Variants in DLG2 observed in about 807,000 individuals in gnomAD.
DLG2 encodes the protein disks large homolog 2.
A neutral mutation model predicts 132.5 loss-of-function variants in DLG2; 45 were observed. That is an observed-to-expected ratio of 0.34 (90% CI 0.27 to 0.44). The LOEUF is 0.44. Ranked by LOEUF, DLG2 falls within the 20% of genes least tolerant of loss-of-function variation. DLG2 has a pLI of 1.00. For missense variants in DLG2, 1,045 were observed against 1,196.9 expected (o/e 0.87, Z 1.87); for synonymous variants, 424 against 419.6 (o/e 1.01, Z -0.13).
chr11:84,406,247 G>T (rs1182065799), intron 7 of DLG2, among the ~76,000 whole-genome samples: 3 of 152,000 alleles, frequency 2.0e-5, no homozygotes, highest in Admixed American at 6.6e-5. Flanking sequence ...TTCTCTGTCT[G>T]CCCTTGCCCT....
At chr11:84,775,524 T>G (rs11234170) in intron 6 of DLG2, among the ~76,000 whole-genome samples, 1 of 151,904 alleles carries the variant, frequency 6.6e-6, no homozygotes, top group South Asian at 2.1e-4. Flanking sequence ...AACTTAAGTG[T>G]CCATCAATGC....
At chr11:84,623,230 C>T (rs999427116) in intron 6 of DLG2, among the ~76,000 whole-genome samples, 10 of 152,124 alleles carry the variant, frequency 6.6e-5, no homozygotes, top group African/African-American at 2.4e-4. Context: ...ATGCCATTCC[C>T]TCCACCATGT....
intron 7 of DLG2, among the ~76,000 whole-genome samples, chr11:84,377,988 T>A (rs2098735809): frequency 6.6e-6 from 1 of 152,164 alleles, no homozygotes; most frequent in Non-Finnish European, 1.5e-5. Context: ...TACAGAGAGC[T>A]GAAAGCCCAA....
intron 6 of DLG2, among the ~76,000 whole-genome samples, chr11:84,613,886 G>A (rs2099599654): frequency 6.6e-6 from 1 of 152,048 alleles, no homozygotes; most frequent in South Asian, 2.1e-4. Flanking sequence ...GACATCATAT[G>A]GTCACCAAGT....
chr11:85,409,112 T>C (rs536123172), intron 3 of DLG2, among the ~76,000 whole-genome samples: 1 of 152,098 alleles, frequency 6.6e-6, no homozygotes, highest in Non-Finnish European at 1.5e-5. Context: ...ACAGCTTGTG[T>C]AGATGTCATG....
intron 11 of DLG2, among the ~76,000 whole-genome samples, chr11:84,048,365 T>C (rs1594031856): frequency 6.6e-6 from 1 of 151,710 alleles, no homozygotes; most frequent in Non-Finnish European, 1.5e-5. Context: ...ATTGTGGTAA[T>C]TCAAAAGGAT....
intron 7 of DLG2, among the ~76,000 whole-genome samples, chr11:84,410,962 T>G (rs913956146): frequency 3.3e-5 from 5 of 152,218 alleles, no homozygotes; most frequent in African/African-American, 1.2e-4. Flanking sequence ...ATGTAGAATA[T>G]CATTTTCCTG....
intron 11 of DLG2, among the ~76,000 whole-genome samples, chr11:84,051,153 G>A (rs986335691): frequency 6.6e-6 from 1 of 151,900 alleles, no homozygotes; most frequent in African/African-American, 2.4e-5. Context: ...TGGAGAAATA[G>A]GAACACTTTT....
intron 17 of DLG2, among the ~76,000 whole-genome samples, chr11:83,797,843 A>C (rs969536957): frequency 8.5e-5 from 13 of 152,312 alleles, no homozygotes; most frequent in African/African-American, 3.1e-4. Flanking sequence ...ACCATGACAT[A>C]GCCTCTCAAG....
intron 6 of DLG2, among the ~76,000 whole-genome samples, chr11:84,719,745 T>C (rs1407182140): frequency 6.6e-6 from 1 of 152,184 alleles, no homozygotes; most frequent in East Asian, 1.9e-4. Context: ...ATTTGTTTGT[T>C]GATTTCAAGT....
At chr11:84,050,134 A>C (rs1409714842) in intron 11 of DLG2, among the ~76,000 whole-genome samples, 1 of 145,906 alleles carries the variant, frequency 6.9e-6, no homozygotes, top group African/African-American at 2.5e-5. Flanking sequence ...ACTTACTGGC[A>C]ATGAAAAACT....
At chr11:84,992,838 G>T (rs1312102049) in intron 6 of DLG2, among the ~76,000 whole-genome samples, 1 of 151,982 alleles carries the variant, frequency 6.6e-6, no homozygotes, top group African/African-American at 2.4e-5. Flanking sequence ...CATTCTGTAG[G>T]TTGTCTGTCA....
chr11:84,155,880 C>T (rs1365789216), intron 9 of DLG2, among the ~76,000 whole-genome samples: 1 of 151,910 alleles, frequency 6.6e-6, no homozygotes, highest in African/African-American at 2.4e-5. Context: ...ATCCTAAAGA[C>T]AATAAAGAGC....
At chr11:85,390,962 G>A (rs1423181356) in intron 3 of DLG2, among the ~76,000 whole-genome samples, 1 of 151,618 alleles carries the variant, frequency 6.6e-6, no homozygotes, top group Admixed American at 6.6e-5. Flanking sequence ...AAATGAAATT[G>A]AAACAAAAAA....
At chr11:84,030,684 A>G (rs1268642992) in intron 11 of DLG2, among the ~76,000 whole-genome samples, 4 of 152,186 alleles carry the variant, frequency 2.6e-5, no homozygotes, top group Non-Finnish European at 5.9e-5. Flanking sequence ...TGCGAGGATC[A>G]TAAATCCAGA....
chr11:84,919,330 T>C (rs1406674312), intron 6 of DLG2, among the ~76,000 whole-genome samples: 2 of 152,172 alleles, frequency 1.3e-5, no homozygotes, highest in Non-Finnish European at 2.9e-5. Context: ...AGCTATGCAA[T>C]AAATGGGGAA....
intron 6 of DLG2, among the ~76,000 whole-genome samples, chr11:84,840,982 G>A (rs1192855398): frequency 7.0e-6 from 1 of 142,926 alleles, no homozygotes; most frequent in Non-Finnish European, 1.5e-5. Flanking sequence ...TGAACTTAAA[G>A]TATAATAGTA....
intron 6 of DLG2, among the ~76,000 whole-genome samples, chr11:85,014,274 A>C (rs1483358774): frequency 6.6e-6 from 1 of 152,204 alleles, no homozygotes; most frequent in Admixed American, 6.5e-5. Context: ...TGCTGTAAAG[A>C]ATAAGTGCAA....
chr11:85,063,016 G>A (rs2064343173), intron 6 of DLG2, among the ~76,000 whole-genome samples: 1 of 151,814 alleles, frequency 6.6e-6, no homozygotes, highest in Non-Finnish European at 1.5e-5. Flanking sequence ...TAAATGTAGT[G>A]CTAAAGTACT....
Sources: gnomAD v4.1 joint callset for allele counts (sites outside exome capture counted in the v4.1 genomes callset) on GRCh38, gnomAD v4.1.1 for gene constraint, MANE v1.5 for transcripts, NCBI Gene and HGNC (gene_info 2026-07-23, HGNC 2026-07-21) for gene names.